The following RCOR1 variants were observed in gnomAD, a reference collection of about 807,000 sequenced individuals.
RCOR1 encodes REST corepressor.
RCOR1 carries 12 observed loss-of-function variants against 64.0 expected under a neutral mutation model. That is an observed-to-expected ratio of 0.19 (90% confidence interval 0.12 to 0.30). RCOR1 has a LOEUF of 0.30. Among genes scored for constraint, RCOR1 ranks in the 10% least tolerant of loss-of-function variants. The pLI is 1.00. For missense variants in RCOR1, 502 were observed against 621.2 expected (o/e 0.81, Z 2.04); for synonymous variants, 279 against 227.2 (o/e 1.23, Z -2.05).
At chr14:102,722,110 A>T in intron 10 of RCOR1, 77 bp from the exon 11 acceptor site, 2 of 1,017,006 alleles carry the variant, frequency 2.0e-6, no homozygotes, top group South Asian at 2.9e-5. Flanking sequence ...TATCTGGATA[A>T]AGAGGTAAGT....
chr14:102,712,947 GTTTTT>G (rs67246962), intron 7 of RCOR1, among the ~76,000 whole-genome samples: 7,045 of 77,954 alleles, frequency 0.09, 252 homozygotes, highest in African/African-American at 0.21. Flanking sequence ...CTAAATCATT[GTTTTT>G]TTTTTTTTTT....
chr14:102,709,824 T>C (rs1895922604), intron 6 of RCOR1, among the ~76,000 whole-genome samples: 1 of 152,198 alleles, frequency 6.6e-6, no homozygotes, highest in Non-Finnish European at 1.5e-5. Flanking sequence ...TAAGCAGCAA[T>C]CAAAATTAAA....
chr14:102,655,195 G>T, intron 2 of RCOR1: 1 of 927,512 alleles, frequency 1.1e-6, no homozygotes, highest in Non-Finnish European at 1.3e-6. Flanking sequence ...AAAATTAAAA[G>T]ATGCAAAAGG....
intron 2 of RCOR1, among the ~76,000 whole-genome samples, chr14:102,627,452 A>G (rs1238705259): frequency 6.6e-6 from 1 of 152,120 alleles, no homozygotes; most frequent in East Asian, 1.9e-4. Flanking sequence ...AGGTCAGGAG[A>G]TTGAGACCAG....
intron 2 of RCOR1, chr14:102,655,135 TA>T (rs1171336882): frequency 5.1e-5 from 10 of 194,558 alleles, no homozygotes; most frequent in African/African-American, 6.5e-5. Context: ...TTTTTTTTTT[TA>T]AGCTAAATTT....
chr14:102,638,377 TTTC>T (rs1894289648), intron 2 of RCOR1, among the ~76,000 whole-genome samples: 1 of 152,204 alleles, frequency 6.6e-6, no homozygotes, highest in Admixed American at 6.5e-5. Flanking sequence ...TCTTCTTTTC[TTTC>T]TTTTCTTTTT....
chr14:102,617,686 T>A (rs1304296736), intron 2 of RCOR1, among the ~76,000 whole-genome samples: 1 of 149,348 alleles, frequency 6.7e-6, no homozygotes, highest in Non-Finnish European at 1.5e-5. Context: ...ACTTCCCAGG[T>A]TCAAGGGATT....
intron 2 of RCOR1, among the ~76,000 whole-genome samples, chr14:102,631,127 C>CT (rs1894102839): frequency 6.6e-6 from 1 of 152,094 alleles, no homozygotes; most frequent in African/African-American, 2.4e-5. Context: ...CTTTGTGTCT[C>CT]TGACCATCCC....
intron 5 of RCOR1, among the ~76,000 whole-genome samples, chr14:102,707,869 A>G (rs1595240258): frequency 6.6e-6 from 1 of 150,924 alleles, no homozygotes; most frequent in Non-Finnish European, 1.5e-5. Context: ...GCTCACTGCA[A>G]CCTCCGCCTC....
chr14:102,627,518 G>C (rs1174733810), intron 2 of RCOR1, among the ~76,000 whole-genome samples: 1 of 152,050 alleles, frequency 6.6e-6, no homozygotes, highest in Non-Finnish European at 1.5e-5. Flanking sequence ...TTAGCTGGGC[G>C]TGGTGGCGGG....
intron 2 of RCOR1, chr14:102,629,969 A>G: frequency 1.0e-6 from 1 of 973,480 alleles, no homozygotes; most frequent in Non-Finnish European, 1.2e-6. Flanking sequence ...GACCTCCTAG[A>G]TAAAGAGATG....
chr14:102,680,578 C>G (rs576181294), intron 2 of RCOR1, among the ~76,000 whole-genome samples: 13 of 152,306 alleles, frequency 8.5e-5, no homozygotes, highest in African/African-American at 2.9e-4. Flanking sequence ...GAGGCCAAGG[C>G]AGGCAGATCA....
At chr14:102,653,729 C>G (rs1162907488) in intron 2 of RCOR1, among the ~76,000 whole-genome samples, 1 of 151,930 alleles carries the variant, frequency 6.6e-6, no homozygotes, top group Non-Finnish European at 1.5e-5. Context: ...CCTCTTGTCT[C>G]TCTTGCTCCT....
intron 2 of RCOR1, among the ~76,000 whole-genome samples, chr14:102,646,841 A>G (rs1894486532): frequency 6.6e-6 from 1 of 152,370 alleles, no homozygotes; most frequent in Admixed American, 6.5e-5. Flanking sequence ...GTGCGCTCAC[A>G]CACAGTGGGA....
intron 4 of RCOR1, among the ~76,000 whole-genome samples, chr14:102,704,391 T>C (rs1006003678): frequency 2.0e-5 from 3 of 152,358 alleles, no homozygotes; most frequent in South Asian, 4.1e-4. Flanking sequence ...TTACAAAAAA[T>C]TGTATGTATA....
At chr14:102,622,897 A>G (rs1225941267) in intron 2 of RCOR1, among the ~76,000 whole-genome samples, 1 of 152,178 alleles carries the variant, frequency 6.6e-6, no homozygotes, top group Non-Finnish European at 1.5e-5. Context: ...TGTGCTGTGG[A>G]GGATTGAACC....
intron 11 of RCOR1, among the ~76,000 whole-genome samples, chr14:102,725,670 C>T (rs753982726): frequency 9.9e-5 from 15 of 152,098 alleles, no homozygotes; most frequent in Non-Finnish European, 1.5e-4. Context: ...CTCCATCTCC[C>T]GAGCTCTTGA....
intron 2 of RCOR1, 128 bp from the exon 3 acceptor site, chr14:102,681,764 ATGT>A (rs1895308631): frequency 1.6e-6 from 1 of 608,694 alleles, no homozygotes; most frequent in East Asian, 2.8e-5. Flanking sequence ...CCTCACTCTG[ATGT>A]TAAGTGTGGG....
At chr14:102,649,472 C>G (rs1894541524) in intron 2 of RCOR1, among the ~76,000 whole-genome samples, 1 of 152,138 alleles carries the variant, frequency 6.6e-6, no homozygotes, top group Non-Finnish European at 1.5e-5. Flanking sequence ...ATATGTTTTC[C>G]CATCCTCTCT....
Sources: gnomAD v4.1 joint callset for allele counts (sites outside exome capture counted in the v4.1 genomes callset) on GRCh38, gnomAD v4.1.1 for gene constraint, MANE v1.5 for transcripts, NCBI Gene and HGNC (gene_info 2026-07-23, HGNC 2026-07-21) for gene names.